Variants in PDZRN3 observed in about 807,000 individuals in gnomAD.
PDZRN3 encodes E3 ubiquitin-protein ligase PDZRN3.
A neutral mutation model predicts 85.7 loss-of-function variants in PDZRN3; 38 were observed. That is an observed-to-expected ratio of 0.44 (90% CI 0.34 to 0.58). PDZRN3 has a LOEUF of 0.58. PDZRN3 is among the 20% of genes least tolerant of loss of function. The pLI is 0.01. For synonymous variants in PDZRN3, 759 were observed against 638.0 expected, an observed-to-expected ratio of 1.19 and a Z score of -2.86; for missense variants, 1,629 against 1,506.4, an observed-to-expected ratio of 1.08 and a Z score of -1.35.
chr3:73,605,761 G>C (rs1702591277), intron 2 of PDZRN3, among the ~76,000 whole-genome samples: 3 of 152,194 alleles, frequency 2.0e-5, no homozygotes, highest in South Asian at 4.1e-4. Context: ...TGCTATTTCT[G>C]CTAATCAGGG....
intron 1 of PDZRN3, among the ~76,000 whole-genome samples, chr3:73,623,163 T>C (rs753946595): frequency 6.6e-6 from 1 of 152,172 alleles, no homozygotes; most frequent in Non-Finnish European, 1.5e-5. Context: ...AGGTAACACT[T>C]GTTGAGCATT....
chr3:73,614,082 G>T (rs1395301196), intron 1 of PDZRN3, among the ~76,000 whole-genome samples: 1 of 152,140 alleles, frequency 6.6e-6, no homozygotes, highest in Non-Finnish European at 1.5e-5. Context: ...AAGAAGCTTT[G>T]CTATCATATT....
intron 1 of PDZRN3, 89 bp downstream of exon 1, chr3:73,624,013 TC>T: frequency 8.1e-7 from 1 of 1,227,008 alleles, no homozygotes; most frequent in African/African-American, 1.6e-5. Flanking sequence ...CCCGGGAAGC[TC>T]GGGGCATCCC....
At chr3:73,404,119 C>T (rs760866159) in intron 4 of PDZRN3, 29 bp downstream of exon 4, 3 of 1,603,102 alleles carry the variant, frequency 1.9e-6, no homozygotes, top group Non-Finnish European at 2.6e-6. Context: ...CTTCTTAATG[C>T]ATTAGGGGTT....
chr3:73,401,070 CA>C (rs1701739334), intron 4 of PDZRN3, 61 bp from the exon 5 acceptor site: 3 of 1,250,620 alleles, frequency 2.4e-6, no homozygotes, highest in Non-Finnish European at 3.5e-6. Flanking sequence ...GTTTTTCTTA[CA>C]CCCATTGTCA....
At chr3:73,398,015 C>CCAAA (rs1456477640) in intron 5 of PDZRN3, among the ~76,000 whole-genome samples, 2 of 152,042 alleles carry the variant, frequency 1.3e-5, no homozygotes, top group East Asian at 1.9e-4. Context: ...ATTTCTAGGG[C>CCAAA]CAAACAGTAT....
chr3:73,580,541 A>G (rs1374014585), intron 3 of PDZRN3, among the ~76,000 whole-genome samples: 1 of 152,204 alleles, frequency 6.6e-6, no homozygotes, highest in Non-Finnish European at 1.5e-5. Context: ...CACTGACTCA[A>G]AGTGATCCTG....
intron 3 of PDZRN3, among the ~76,000 whole-genome samples, chr3:73,565,588 G>T (rs1160221630): frequency 1.3e-5 from 2 of 151,966 alleles, no homozygotes; most frequent in Admixed American, 6.6e-5. Context: ...CTTCCACTAC[G>T]CCCTGGGAAG....
chr3:73,493,252 A>G (rs915054419), intron 3 of PDZRN3, among the ~76,000 whole-genome samples: 2 of 152,138 alleles, frequency 1.3e-5, no homozygotes, highest in Non-Finnish European at 2.9e-5. Flanking sequence ...GTCTTTCTGA[A>G]AGCCCCATGG....
intron 3 of PDZRN3, among the ~76,000 whole-genome samples, chr3:73,413,013 A>G (rs1702003714): frequency 6.6e-6 from 1 of 152,136 alleles, no homozygotes; most frequent in Non-Finnish European, 1.5e-5. Flanking sequence ...AGTGCCCTCG[A>G]TAGAATATGA....
intron 3 of PDZRN3, among the ~76,000 whole-genome samples, chr3:73,496,011 G>T (rs1575690717): frequency 6.8e-6 from 1 of 148,136 alleles, no homozygotes; most frequent in African/African-American, 2.5e-5. Context: ...GTTCTTAATT[G>T]ATGTGTTAAT....
At chr3:73,402,244 C>T (rs116498651) in intron 4 of PDZRN3, among the ~76,000 whole-genome samples, 522 of 152,310 alleles carry the variant, frequency 3.4e-3, no homozygotes, top group African/African-American at 5.9e-3. Context: ...TTCTAAAAGG[C>T]CCATCACTGT....
intron 3 of PDZRN3, among the ~76,000 whole-genome samples, chr3:73,464,307 T>C (rs1441893167): frequency 6.6e-6 from 1 of 152,202 alleles, no homozygotes; most frequent in African/African-American, 2.4e-5. Flanking sequence ...TATTGGGTAA[T>C]TCCTAGATAC....
intron 3 of PDZRN3, among the ~76,000 whole-genome samples, chr3:73,431,921 A>C (rs1702438809): frequency 6.6e-6 from 1 of 152,186 alleles, no homozygotes; most frequent in Admixed American, 6.5e-5. Context: ...AGACAGGTTC[A>C]CTTAGATTTG....
At chr3:73,500,702 T>A (rs959181109) in intron 3 of PDZRN3, among the ~76,000 whole-genome samples, 3 of 152,152 alleles carry the variant, frequency 2.0e-5, no homozygotes, top group South Asian at 4.2e-4. Context: ...AGTTCTCGCC[T>A]CCTCCCAAGC....
intron 3 of PDZRN3, among the ~76,000 whole-genome samples, chr3:73,412,323 A>T (rs1701990600): frequency 6.6e-6 from 1 of 152,148 alleles, no homozygotes; most frequent in Non-Finnish European, 1.5e-5. Context: ...GAATTTGTTA[A>T]CTGTTTTCAT....
At chr3:73,433,580 G>T in intron 3 of PDZRN3, 1 of 1,152,398 alleles carries the variant, frequency 8.7e-7, no homozygotes, top group Non-Finnish European at 1.3e-6. Context: ...TTTCCTAGAA[G>T]TTACACTTGG....
intron 3 of PDZRN3, among the ~76,000 whole-genome samples, chr3:73,418,316 G>C (rs146826972): frequency 5.4e-4 from 83 of 152,306 alleles, no homozygotes; most frequent in African/African-American, 2.0e-3. Context: ...AAACATGTTT[G>C]TGGAAAGTAT....
chr3:73,510,361 G>A (rs1357578984), intron 3 of PDZRN3, among the ~76,000 whole-genome samples: 3 of 152,164 alleles, frequency 2.0e-5, no homozygotes, highest in Non-Finnish European at 4.4e-5. Flanking sequence ...CTCTACCCGA[G>A]AAGAAACACT....
Sources: gnomAD v4.1 joint callset for allele counts (sites outside exome capture counted in the v4.1 genomes callset) on GRCh38, gnomAD v4.1.1 for gene constraint, MANE v1.5 for transcripts, NCBI Gene and HGNC (gene_info 2026-07-23, HGNC 2026-07-21) for gene names.